Variants in COBLL1 observed in about 807,000 individuals in gnomAD.
COBLL1 encodes the protein cordon-bleu protein-like 1.
A neutral mutation model predicts 94.8 loss-of-function variants in COBLL1; 50 were observed. The observed-to-expected ratio is 0.53, with a 90% CI of 0.42 to 0.67. The LOEUF is 0.67. Among genes scored for constraint, COBLL1 ranks in the 30% least tolerant of loss-of-function variants. The probability of loss-of-function intolerance (pLI) is 0.00; values close to 1 mark genes in which losing one functional copy is unlikely to be tolerated. For missense variants in COBLL1, 1,362 were observed against 1,348.7 expected, an observed-to-expected ratio of 1.01 and a Z score of -0.15; for synonymous variants, 448 against 473.8, an observed-to-expected ratio of 0.95 and a Z score of 0.71.
chr2:164,691,647 G>A (rs1240133306), intron 13 of COBLL1, among the ~76,000 whole-genome samples: 1 of 152,116 alleles, frequency 6.6e-6, no homozygotes, highest in East Asian at 1.9e-4. Context: ...TTTTTCCTGA[G>A]AAAAAGCAGA....
rs781328833 is a variant in COBLL1 at position 164,692,363 on chromosome 2, TG to T, written c.3157del (p.Gln1053LysfsTer14). 6.2e-7 allele frequency: 1 copy of T among 1,612,512 alleles called. No homozygotes were observed. The highest frequency in any genetic ancestry group is 1.1e-5 in the South Asian group (1 of 90,814). On this transcript the variant is annotated frameshift_variant, in exon 13 of 14. Coordinates refer to ENST00000652658, the MANE Select transcript of COBLL1 (RefSeq NM_001365672.2). LOFTEE classifies it high-confidence loss of function. Reference protein sequence around the residue: ...NNSAHNEQNSQIPTPTDGPSF... With the variant: ...NNSAHNEQNSXIPTPTDGPSF... Reference sequence around the variant, plus strand: ...TGGGCCATCAGTTGGAGTTGGTATTTGGGAATTCTGTTCATTATGTGCAGAG... The same window carrying T: ...TGGGCCATCAGTTGGAGTTGGTATTTGGAATTCTGTTCATTATGTGCAGAG...
At chr2:164,756,795 A>G (rs1687431475) in intron 2 of COBLL1, among the ~76,000 whole-genome samples, 1 of 152,198 alleles carries the variant, frequency 6.6e-6, no homozygotes, top group South Asian at 2.1e-4. Context: ...AAAAAAATCT[A>G]CATACTAATC....
intron 2 of COBLL1, among the ~76,000 whole-genome samples, chr2:164,795,881 C>G (rs1003435317): frequency 6.6e-6 from 1 of 152,074 alleles, no homozygotes; most frequent in Non-Finnish European, 1.5e-5. Context: ...TACAGTGAAT[C>G]AAACATAAGA....
intron 2 of COBLL1, among the ~76,000 whole-genome samples, chr2:164,773,105 T>C (rs1000196437): frequency 2.2e-5 from 2 of 92,972 alleles, no homozygotes; most frequent in African/African-American, 1.1e-4. Context: ...GAGAGGTCCA[T>C]GCCAGGATCG....
chr2:164,703,729 C>A (rs559874516), intron 9 of COBLL1: 85 of 325,332 alleles, frequency 2.6e-4, no homozygotes, highest in Middle Eastern at 8.0e-4. Flanking sequence ...ATTTTTTATA[C>A]TTACAGAATT....
intron 7 of COBLL1, among the ~76,000 whole-genome samples, chr2:164,707,109 T>C (rs1330639697): frequency 6.6e-6 from 1 of 152,046 alleles, no homozygotes; most frequent in African/African-American, 2.4e-5. Context: ...TTCTGATAAC[T>C]CGGTGTCCCT....
At chr2:164,833,888 C>T (rs191370766) in intron 2 of COBLL1, among the ~76,000 whole-genome samples, 7 of 152,202 alleles carry the variant, frequency 4.6e-5, no homozygotes, top group African/African-American at 1.7e-4. Flanking sequence ...ATAAATTACC[C>T]ATGCTCACTC....
At chr2:164,738,537 TGA>T (rs1686430421) in intron 3 of COBLL1, among the ~76,000 whole-genome samples, 2 of 152,092 alleles carry the variant, frequency 1.3e-5, no homozygotes, top group African/African-American at 4.8e-5. Context: ...TAGCATTTTC[TGA>T]GAAGAAGAGC....
chr2:164,671,139 C>T (rs1444513968), intron 1 of COBLL1, among the ~76,000 whole-genome samples: 1 of 152,048 alleles, frequency 6.6e-6, no homozygotes, highest in Non-Finnish European at 1.5e-5. Context: ...GCTGCCAACA[C>T]CTTCATCACT....
chr2:164,678,913 T>A (rs1293312740), downstream of COBLL1, among the ~76,000 whole-genome samples: 1 of 152,160 alleles, frequency 6.6e-6, no homozygotes, highest in Admixed American at 6.5e-5. Context: ...CAACGCATGT[T>A]CATCAAATAA....
chr2:164,715,501 A>C (rs73013674), intron 7 of COBLL1, among the ~76,000 whole-genome samples: 1,799 of 152,242 alleles, frequency 0.012, 40 homozygotes, highest in African/African-American at 0.041. Flanking sequence ...CAGAGGGTAC[A>C]ACCTTACATA....
At chr2:164,704,293 G>T in intron 9 of COBLL1, 151 bp downstream of exon 9, 1 of 608,212 alleles carries the variant, frequency 1.6e-6, no homozygotes, top group Non-Finnish European at 2.9e-6. Flanking sequence ...AGGGGTGGGG[G>T]CAAGAATTTA....
intron 5 of COBLL1, among the ~76,000 whole-genome samples, chr2:164,726,260 G>T (rs1685717415): frequency 6.6e-6 from 1 of 152,088 alleles, no homozygotes; most frequent in African/African-American, 2.4e-5. Flanking sequence ...GAACCACAGA[G>T]ACCACTATTT....
At chr2:164,774,773 T>G (rs1020948425) in intron 2 of COBLL1, among the ~76,000 whole-genome samples, 9 of 144,858 alleles carry the variant, frequency 6.2e-5, no homozygotes, top group African/African-American at 2.2e-4. Context: ...CGTTAATGCA[T>G]AGCATGAGGA....
At chr2:164,708,417 C>A (rs1021738541) in intron 7 of COBLL1, among the ~76,000 whole-genome samples, 1 of 152,018 alleles carries the variant, frequency 6.6e-6, no homozygotes, top group Non-Finnish European at 1.5e-5. Context: ...CCCGCTGCAA[C>A]AAAAAGGTAA....
chr2:164,808,884 C>G (rs1347757082), intron 2 of COBLL1, among the ~76,000 whole-genome samples: 1 of 152,066 alleles, frequency 6.6e-6, no homozygotes, highest in Non-Finnish European at 1.5e-5. Context: ...GTATGTTGCC[C>G]CACTCACATA....
At chr2:164,663,352 T>C (rs777555109) in intron 2 of COBLL1, among the ~76,000 whole-genome samples, 8 of 152,220 alleles carry the variant, frequency 5.3e-5, no homozygotes, top group Non-Finnish European at 1.2e-4. Flanking sequence ...CCTTTTTGAA[T>C]GCTTGTTCAC....
intron 2 of COBLL1, among the ~76,000 whole-genome samples, chr2:164,798,273 T>C (rs1430381169): frequency 1.3e-5 from 2 of 152,260 alleles, no homozygotes; most frequent in African/African-American, 4.8e-5. Context: ...ATAAAAGTTT[T>C]AATTGTGAAA....
chr2:164,658,528 A>C (rs925484978), intron 2 of COBLL1, among the ~76,000 whole-genome samples: 61 of 152,294 alleles, frequency 4.0e-4, no homozygotes, highest in African/African-American at 1.5e-3. Flanking sequence ...AAGGAGGTTA[A>C]AGATATAGGG....
Sources: allele counts gnomAD v4.1 joint callset (sites outside exome capture counted in the v4.1 genomes callset), GRCh38; gene constraint gnomAD v4.1.1; transcripts MANE v1.5; gene names NCBI Gene and HGNC (gene_info 2026-07-23, HGNC 2026-07-21).